Variants in PACRGL observed in about 807,000 individuals in gnomAD.
PACRGL encodes PACRG-like protein.
A neutral mutation model predicts 34.5 loss-of-function variants in PACRGL; 38 were observed. That is an observed-to-expected ratio of 1.10 (90% confidence interval 0.85 to 1.44). The LOEUF is 1.44. Among genes scored for constraint, PACRGL ranks in the 40% most tolerant of loss-of-function variants. The pLI, the probability that PACRGL is intolerant of heterozygous loss-of-function variation, is 0.00. For synonymous variants in PACRGL, 128 were observed against 100.1 expected (o/e 1.28, Z -1.66); for missense variants, 305 against 281.4 (o/e 1.08, Z -0.60).
intron 7 of PACRGL, chr4:20,716,238 A>T: frequency 1.2e-6 from 1 of 826,874 alleles, no homozygotes; most frequent in Non-Finnish European, 2.0e-6. Flanking sequence ...TAAAGATTAA[A>T]ATCAGCAAAG....
chr4:20,731,204 A>G lies in PACRGL; in HGVS notation c.*3863A>G, dbSNP rs1748076035. On this transcript the variant is annotated 3_prime_UTR_variant, in exon 9 of 9. Coordinates refer to ENST00000503585, the MANE Select transcript of PACRGL (RefSeq NM_001258345.3). ...CCTGCCTCAGCCTCCCAAGTAGCTGAGACTTCAGCCACGTGCCACCGTGCC... is the reference window on the plus strand; with the variant it reads ...CCTGCCTCAGCCTCCCAAGTAGCTGGGACTTCAGCCACGTGCCACCGTGCC... 1 of 163,396 alleles carries G rather than the reference A, an allele frequency of 6.1e-6. No homozygotes were observed. Among genetic ancestry groups the G allele is most frequent in the South Asian group, 2.0e-4 (1 of 5,042 alleles). 10.1% of individuals were successfully genotyped at this position (163,396 alleles called of 1,614,324 possible).
chr4:20,717,325 C>G (rs1383028135), intron 7 of PACRGL, among the ~76,000 whole-genome samples: 1 of 152,138 alleles, frequency 6.6e-6, no homozygotes, highest in Non-Finnish European at 1.5e-5. Flanking sequence ...TGTGCAGAAG[C>G]TCTTTAGTTT....
intron 8 of PACRGL, among the ~76,000 whole-genome samples, chr4:20,740,129 G>A (rs146714662): frequency 0.013 from 1,966 of 152,194 alleles, 32 homozygotes; most frequent in African/African-American, 0.033. Context: ...TGAAAGTGAC[G>A]GGGAGAATTG....
At chr4:20,701,718 C>T (rs1000982210) in intron 1 of PACRGL, 5 of 366,908 alleles carry the variant, frequency 1.4e-5, no homozygotes, top group African/African-American at 4.3e-5. Context: ...CCCTTGGTGT[C>T]CGTGGAGAAT....
downstream of PACRGL, among the ~76,000 whole-genome samples, chr4:20,756,396 A>C (rs1425846574): frequency 6.6e-6 from 1 of 151,978 alleles, no homozygotes; most frequent in Non-Finnish European, 1.5e-5. Context: ...AATCCTATTT[A>C]TCTCTTTTCT....
chr4:20,755,836 T>G (rs1467953163), downstream of PACRGL, among the ~76,000 whole-genome samples: 1 of 152,020 alleles, frequency 6.6e-6, no homozygotes, highest in Non-Finnish European at 1.5e-5. Context: ...AGGAGCAGCA[T>G]CATGGCTGGT....
At chr4:20,717,870 A>T (rs1740918477) in intron 7 of PACRGL, among the ~76,000 whole-genome samples, 1 of 152,200 alleles carries the variant, frequency 6.6e-6, no homozygotes, top group Non-Finnish European at 1.5e-5. Context: ...AATTCTGTGA[A>T]GAAAGTCATT....
intron 8 of PACRGL, among the ~76,000 whole-genome samples, chr4:20,750,462 G>A (rs1753413792): frequency 6.6e-6 from 1 of 152,148 alleles, no homozygotes; most frequent in Admixed American, 6.5e-5. Context: ...TACTCTGTCT[G>A]GGTCCTGGGT....
chr4:20,747,027 A>T (rs1166811304), intron 8 of PACRGL, among the ~76,000 whole-genome samples: 1 of 152,212 alleles, frequency 6.6e-6, no homozygotes, highest in African/African-American at 2.4e-5. Flanking sequence ...AAACTTTATT[A>T]ATTTAGCCAT....
the PACRGL span, among the ~76,000 whole-genome samples, chr4:20,760,659 A>C: frequency 2.0e-5 from 3 of 152,180 alleles, no homozygotes; most frequent in Non-Finnish European, 4.4e-5. Context: ...TCACAGAGGC[A>C]GAACTGGAGG....
chr4:20,732,869 C>G, downstream of PACRGL: 1 of 826,572 alleles, frequency 1.2e-6, no homozygotes, highest in South Asian at 1.7e-5. Flanking sequence ...TTTTCCTACT[C>G]AATTTTAAAT....
intron 8 of PACRGL, among the ~76,000 whole-genome samples, chr4:20,741,533 C>T (rs576011185): frequency 3.0e-4 from 46 of 152,236 alleles, no homozygotes; most frequent in Middle Eastern, 6.8e-3. Flanking sequence ...AGAACAAAGA[C>T]ACAACGTACC....
At chr4:20,723,348 C>T (rs1399815885) in intron 7 of PACRGL, among the ~76,000 whole-genome samples, 2 of 152,146 alleles carry the variant, frequency 1.3e-5, no homozygotes, top group Non-Finnish European at 2.9e-5. Context: ...GTATGCCAAG[C>T]AGTGAGAATA....
At position 20,751,304 on chromosome 4, in the gene PACRGL, T is replaced by C. The variant is rs181028413; in HGVS notation, c.*57-1261T>C. Among the ~76,000 whole-genome samples the C allele has an allele frequency of 2.9e-3, 443 of 152,328 alleles. 5 individuals carry two copies. The highest frequency in any genetic ancestry group is 0.01 in the African/African-American group (419 of 41,580). On this transcript the variant is annotated intron_variant, in intron 8 of 8. Transcript: ENST00000507634. ...ATCTAGAGTGGATATCCATCCAGTA[T>C]TGATACATTGCAGGAAGAAATTCTT...
intron 8 of PACRGL, among the ~76,000 whole-genome samples, chr4:20,747,738 G>A (rs11726872): frequency 1.1e-4 from 16 of 151,984 alleles, no homozygotes; most frequent in Admixed American, 1.0e-3. Flanking sequence ...CAGAATCTTC[G>A]CAGTTGTGGT....
At chr4:20,746,423 G>T (rs1460129307) in intron 8 of PACRGL, among the ~76,000 whole-genome samples, 1 of 151,988 alleles carries the variant, frequency 6.6e-6, no homozygotes, top group Non-Finnish European at 1.5e-5. Context: ...CCTAATGTAG[G>T]TGATGAGTTG....
intron 6 of PACRGL, 140 bp downstream of exon 6, chr4:20,713,062 C>A: frequency 1.2e-6 from 1 of 865,952 alleles, no homozygotes; most frequent in Non-Finnish European, 1.6e-6. Context: ...GACACATTTA[C>A]AGAATTAGGC....
At chr4:20,717,416 T>C (rs1402088391) in intron 7 of PACRGL, among the ~76,000 whole-genome samples, 1 of 152,244 alleles carries the variant, frequency 6.6e-6, no homozygotes, top group African/African-American at 2.4e-5. Flanking sequence ...CCCATGCCTA[T>C]GTCCTGAATG....
At chr4:20,722,632 CACCCT>C (rs966476742) in intron 7 of PACRGL, among the ~76,000 whole-genome samples, 39 of 152,192 alleles carry the variant, frequency 2.6e-4, no homozygotes, top group African/African-American at 8.7e-4. Flanking sequence ...CTTTAGTCTA[CACCCT>C]CTCTAGAAAT....
Sources: allele counts gnomAD v4.1 joint callset (sites outside exome capture counted in the v4.1 genomes callset), GRCh38; gene constraint gnomAD v4.1.1; transcripts MANE v1.5; gene names NCBI Gene and HGNC (gene_info 2026-07-23, HGNC 2026-07-21).